The following NELL2 variants were observed in gnomAD, a reference collection of about 807,000 sequenced individuals.
NELL2 encodes the protein neural EGFL like 2, also known as protein kinase C-binding protein NELL2.
In NELL2, 41 loss-of-function variants were observed where a neutral mutation model predicts 109.6. The observed-to-expected ratio is 0.37, with a 90% CI of 0.29 to 0.49. The LOEUF (loss-of-function observed/expected upper bound fraction) is 0.49. Ranked by LOEUF, NELL2 falls within the 20% of genes least tolerant of loss-of-function variation. The pLI, the probability that NELL2 is intolerant of heterozygous loss-of-function variation, is 0.98. For synonymous variants in NELL2, 355 were observed against 344.7 expected (o/e 1.03, Z -0.33); for missense variants, 900 against 1,008.3 (o/e 0.89, Z 1.45).
intron 1 of NELL2, among the ~76,000 whole-genome samples, chr12:44,882,472 G>A (rs2263479): frequency 0.68 from 102,716 of 150,830 alleles, 35,814 homozygotes; most frequent in East Asian, 0.92. Flanking sequence ...ATACATATGT[G>A]TATATATACA....
At chr12:44,869,636 C>T (rs1328105230) in intron 2 of NELL2, among the ~76,000 whole-genome samples, 1 of 152,060 alleles carries the variant, frequency 6.6e-6, no homozygotes, top group Non-Finnish European at 1.5e-5. Context: ...TGGATAATTC[C>T]ATCTCTATTT....
At chr12:44,715,424 C>A (rs949989162) in intron 9 of NELL2, among the ~76,000 whole-genome samples, 2 of 151,392 alleles carry the variant, frequency 1.3e-5, no homozygotes, top group African/African-American at 4.9e-5. Context: ...TTTCTAAAAC[C>A]TGCAACATAT....
chr12:44,563,363 T>C (rs1351597213), intron 15 of NELL2, among the ~76,000 whole-genome samples: 1 of 151,936 alleles, frequency 6.6e-6, no homozygotes, highest in East Asian at 1.9e-4. Context: ...AGAAAGAAAT[T>C]ATAGGTGATT....
At chr12:44,721,753 A>G (rs1370600598) in intron 9 of NELL2, among the ~76,000 whole-genome samples, 4 of 151,702 alleles carry the variant, frequency 2.6e-5, no homozygotes, top group African/African-American at 9.8e-5. Flanking sequence ...TTAGTGCTCA[A>G]CTAAGAGATT....
At position 44,612,586 on chromosome 12, in the gene NELL2, C is replaced by A. The variant is rs1945662153; in HGVS notation, c.1445-1616G>T. Among the ~76,000 whole-genome samples the A allele has an allele frequency of 2.6e-5, 4 of 151,838 alleles. No homozygotes were observed. The South Asian group carries it at 8.3e-4, about 32-fold the overall frequency. ...ACATGGGTCTCCTAATTGAGGCTAC[C>A]CTTGGACCACCATAAAATTTCAGAA... is the stretch of plus-strand genomic sequence containing the variant. On this transcript the variant is annotated intron_variant, in intron 13 of 19. Coordinates refer to ENST00000429094, the MANE Select transcript of NELL2 (RefSeq NM_001145108.2).
At chr12:44,528,973 C>T (rs1045489409) in intron 16 of NELL2, among the ~76,000 whole-genome samples, 1 of 152,106 alleles carries the variant, frequency 6.6e-6, no homozygotes, top group African/African-American at 2.4e-5. Context: ...CATGTGAGCC[C>T]TTGTCAACCA....
At chr12:44,624,414 A>C (rs1946161570) in intron 13 of NELL2, among the ~76,000 whole-genome samples, 2 of 152,058 alleles carry the variant, frequency 1.3e-5, no homozygotes, top group African/African-American at 4.8e-5. Flanking sequence ...TCTAGGGAAA[A>C]CGCTCACTCT....
At chr12:44,804,176 G>C (rs994931974) in intron 3 of NELL2, among the ~76,000 whole-genome samples, 2 of 151,774 alleles carry the variant, frequency 1.3e-5, no homozygotes, top group African/African-American at 4.8e-5. Context: ...CCACAATCAA[G>C]TGTAATTTTT....
At chr12:44,784,692 C>T (rs1308825673) in intron 3 of NELL2, among the ~76,000 whole-genome samples, 8 of 152,058 alleles carry the variant, frequency 5.3e-5, no homozygotes, top group East Asian at 1.9e-4. Flanking sequence ...ACGATCAAGT[C>T]GGCTTCATCC....
intron 16 of NELL2, among the ~76,000 whole-genome samples, chr12:44,529,350 T>C (rs1356161884): frequency 1.3e-5 from 2 of 152,210 alleles, no homozygotes; most frequent in African/African-American, 2.4e-5. Flanking sequence ...AAGGGACCTG[T>C]AGGACTTAGA....
chr12:44,770,832 G>A (rs920759468), intron 9 of NELL2, among the ~76,000 whole-genome samples: 8 of 152,082 alleles, frequency 5.3e-5, no homozygotes, highest in Non-Finnish European at 7.4e-5. Context: ...CTCATGAACC[G>A]CCTTTCCTGT....
chr12:44,547,267 C>T (rs867921642), intron 15 of NELL2, among the ~76,000 whole-genome samples: 2 of 152,288 alleles, frequency 1.3e-5, no homozygotes, highest in Middle Eastern at 3.4e-3. Flanking sequence ...ACTGTCTCAG[C>T]ATTAAGCTGC....
intron 9 of NELL2, among the ~76,000 whole-genome samples, chr12:44,718,242 C>T (rs1184201746): frequency 6.6e-6 from 1 of 152,062 alleles, no homozygotes; most frequent in South Asian, 2.1e-4. Flanking sequence ...CAAGGCGAAC[C>T]CATGCAGGTA....
chr12:44,593,950 C>T (rs1944856781), intron 15 of NELL2, among the ~76,000 whole-genome samples: 1 of 152,080 alleles, frequency 6.6e-6, no homozygotes, highest in Non-Finnish European at 1.5e-5. Context: ...TACTGTGAAT[C>T]CATTAAAAAG....
At chr12:44,696,459 T>C (rs1286237106) in intron 12 of NELL2, among the ~76,000 whole-genome samples, 4 of 152,202 alleles carry the variant, frequency 2.6e-5, no homozygotes, top group Admixed American at 6.5e-5. Flanking sequence ...AAAGCAATTG[T>C]GAAGATGGGG....
chr12:44,615,188 A>G (rs1945776227), intron 13 of NELL2, among the ~76,000 whole-genome samples: 1 of 152,080 alleles, frequency 6.6e-6, no homozygotes, highest in Non-Finnish European at 1.5e-5. Flanking sequence ...ATCAGGTAGG[A>G]ATCCAAGAAT....
At chr12:44,881,148 T>C (rs867488190), upstream of NELL2, among the ~76,000 whole-genome samples, 2 of 152,108 alleles carry the variant, frequency 1.3e-5, no homozygotes, top group African/African-American at 2.4e-5. Flanking sequence ...TTTCTAAAAA[T>C]CCAACATTCA....
At chr12:44,707,322 C>A (rs1592372056) in intron 11 of NELL2, among the ~76,000 whole-genome samples, 1 of 152,148 alleles carries the variant, frequency 6.6e-6, no homozygotes, top group African/African-American at 2.4e-5. Context: ...TGAGCTTTTT[C>A]TTCCACCTAC....
At chr12:44,782,971 A>C (rs971251593) in intron 3 of NELL2, among the ~76,000 whole-genome samples, 1 of 151,976 alleles carries the variant, frequency 6.6e-6, no homozygotes, top group Non-Finnish European at 1.5e-5. Context: ...GATATATACC[A>C]AGGCAGACCA....
Sources: allele counts gnomAD v4.1 joint callset (sites outside exome capture counted in the v4.1 genomes callset), GRCh38; gene constraint gnomAD v4.1.1; transcripts MANE v1.5; gene names NCBI Gene and HGNC (gene_info 2026-07-23, HGNC 2026-07-21).